Variants in PPP1R13B observed in about 807,000 individuals in gnomAD.
PPP1R13B encodes the protein protein phosphatase 1 regulatory subunit 13B.
In PPP1R13B, 44 loss-of-function variants were observed where a neutral mutation model predicts 119.8. That is an observed-to-expected ratio of 0.37 (90% CI 0.29 to 0.47). The LOEUF (loss-of-function observed/expected upper bound fraction) is 0.47. Ranked by LOEUF, PPP1R13B falls within the 20% of genes least tolerant of loss-of-function variation. PPP1R13B has a pLI of 0.99. For synonymous variants in PPP1R13B, 542 were observed against 561.5 expected, an observed-to-expected ratio of 0.97 and a Z score of 0.49; for missense variants, 1,227 against 1,413.5, an observed-to-expected ratio of 0.87 and a Z score of 2.12.
intron 1 of PPP1R13B, among the ~76,000 whole-genome samples, chr14:103,824,941 T>TA (rs2086501817): frequency 7.9e-6 from 1 of 126,732 alleles, no homozygotes; most frequent in Admixed American, 7.5e-5. Context: ...GTTCTGCAGA[T>TA]ATTGCATTTT....
At chr14:103,752,917 T>A (rs1567095289) in intron 7 of PPP1R13B, 83 bp downstream of exon 7, 1 of 1,430,646 alleles carries the variant, frequency 7.0e-7, no homozygotes, top group African/African-American at 1.4e-5. Context: ...TTGTTTCCAC[T>A]TCCTAAGGTT....
intron 5 of PPP1R13B, 102 bp from the exon 6 acceptor site, chr14:103,754,346 C>T (rs1375520232): frequency 3.5e-6 from 4 of 1,152,548 alleles, no homozygotes; most frequent in Non-Finnish European, 4.8e-6. Context: ...AGGTGGATCA[C>T]CTGAGGTCAG....
chr14:103,788,524 A>AAAT lies in PPP1R13B; in HGVS notation c.158-3611_158-3610insATT, dbSNP rs540726042. Among the ~76,000 whole-genome samples the AAAT allele has an allele frequency of 4.5e-4, 69 of 152,290 alleles. No homozygotes were observed. The East Asian group carries it at 8.5e-3, about 19-fold the overall frequency. On this transcript the variant is annotated intron_variant, in intron 2 of 16. Coordinates refer to ENST00000202556, the MANE Select transcript of PPP1R13B (RefSeq NM_015316.3). The stretch of plus-strand genomic sequence containing the variant: ...GAAGTCCATGATACTTTTAGACTAT[A>AAAT]AAATAGCATTTCTCATTAGCCAGGC...
chr14:103,746,724 A>C, intron 8 of PPP1R13B, 171 bp from the exon 9 acceptor site: 1 of 535,064 alleles, frequency 1.9e-6, no homozygotes, highest in Non-Finnish European at 3.2e-6. Flanking sequence ...TGGAGAAGGA[A>C]CTGTAGCTTC....
At chr14:103,782,766 T>C (rs1475379445) in intron 3 of PPP1R13B, among the ~76,000 whole-genome samples, 2 of 152,168 alleles carry the variant, frequency 1.3e-5, no homozygotes, top group African/African-American at 4.8e-5. Flanking sequence ...ATTCCTTTTC[T>C]GTGAACTGTG....
At chr14:103,761,276 A>T in intron 4 of PPP1R13B, among the ~76,000 whole-genome samples, 1 of 62,274 alleles carries the variant, frequency 1.6e-5, no homozygotes, top group African/African-American at 5.8e-5. Flanking sequence ...CCTATATTTA[A>T]AAAAAAAAAA....
intron 1 of PPP1R13B, among the ~76,000 whole-genome samples, chr14:103,801,194 T>C (rs974298460): frequency 3.3e-5 from 5 of 152,112 alleles, no homozygotes; most frequent in African/African-American, 1.2e-4. Context: ...TTCCCTTGCT[T>C]AAAATATTTA....
At chr14:103,796,602 TA>T (rs1190985671) in intron 2 of PPP1R13B, among the ~76,000 whole-genome samples, 2 of 152,182 alleles carry the variant, frequency 1.3e-5, no homozygotes, top group Non-Finnish European at 2.9e-5. Flanking sequence ...CGAATTACCA[TA>T]TGACCCAGAG....
intron 1 of PPP1R13B, among the ~76,000 whole-genome samples, chr14:103,834,672 C>A (rs2086735242): frequency 6.9e-6 from 1 of 145,522 alleles, no homozygotes; most frequent in South Asian, 2.2e-4. Flanking sequence ...CTCACCACAA[C>A]CTCCGCCCTC....
intron 4 of PPP1R13B, chr14:103,762,943 T>C (rs2084844985): frequency 4.0e-6 from 4 of 999,402 alleles, no homozygotes; most frequent in Non-Finnish European, 6.2e-6. Flanking sequence ...CCGTCTACAG[T>C]ATCTGCTAAA....
chr14:103,829,941 G>A (rs2086631631), intron 1 of PPP1R13B, among the ~76,000 whole-genome samples: 1 of 151,972 alleles, frequency 6.6e-6, no homozygotes. Context: ...ACCATGCCCA[G>A]CTAATTTTTG....
Position 103,753,182 on chromosome 14 carries a change from T to C in PPP1R13B, c.646A>G (p.Arg216Gly), listed in dbSNP as rs2084591483. 1 of 1,611,542 alleles carries C rather than the reference T, an allele frequency of 6.2e-7. No homozygotes were observed. Among genetic ancestry groups the C allele is most frequent in the Middle Eastern group, 2.1e-4 (1 of 4,792 alleles). ...MNGNLSAEIE[R>G]FSAMFQEKKQ... ...TTTTCCTGGAACATGGCACTGAACC[T>C]TTCTATTTCAGCAGCTATAATTGAC... Residue 216 changes from arginine (R) to glycine (G), a missense_variant, in exon 7 of 17, where the codon AGG (arginine) becomes GGG (glycine). Arg to Gly is a moderately radical substitution (Grantham distance 125). Transcript: ENST00000202556.
intron 5 of PPP1R13B, among the ~76,000 whole-genome samples, chr14:103,754,680 G>A (rs763347738): frequency 6.6e-6 from 1 of 151,790 alleles, no homozygotes; most frequent in African/African-American, 2.4e-5. Context: ...AACACTAGAG[G>A]AATCTTATAT....
intron 16 of PPP1R13B, among the ~76,000 whole-genome samples, chr14:103,735,532 C>T (rs941473): frequency 6.6e-6 from 1 of 152,034 alleles, no homozygotes; most frequent in Non-Finnish European, 1.5e-5. Context: ...GGCTCAACAG[C>T]AAGCCCCTGG....
At chr14:103,749,717 C>G in intron 8 of PPP1R13B, 77 bp downstream of exon 8, 1 of 1,431,122 alleles carries the variant, frequency 7.0e-7, no homozygotes, top group Non-Finnish European at 9.6e-7. Context: ...GGGGAGCATA[C>G]TGCTACTTAC....
At position 103,734,953 on chromosome 14, in the gene PPP1R13B, G is replaced by A. The variant is rs369058384; in HGVS notation, c.*201C>T. The A allele has an allele frequency of 1.6e-4, 113 of 709,942 alleles. No individual in the cohort carries two copies. The highest frequency in any genetic ancestry group is 4.9e-4 in the East Asian group (18 of 36,464). The allele number at this position is 709,942 out of a possible 1,614,324, so 44.0% of individuals were successfully genotyped here. A position where few individuals can be genotyped will look rare whatever the true frequency, so the allele number is the denominator to read the frequency against. ...TTGGCAAAATTCAGTCCTTGGAGGC[G>A]AAAGTACCTCTCCCAGTTAATGGGC... On this transcript the variant is annotated 3_prime_UTR_variant, in exon 17 of 17. Transcript: ENST00000202556.
In PPP1R13B at chr14:103,734,226, G is replaced by A; in HGVS notation, c.*928C>T. The A allele has an allele frequency of 3.5e-6, 1 of 284,046 alleles. No homozygotes were observed. The allele number at this position is 284,046 out of a possible 1,614,324, so 17.6% of individuals were successfully genotyped here. On this transcript the variant is annotated 3_prime_UTR_variant, in exon 17 of 17. Transcript: ENST00000202556. ...TCCTCTGCCCCAGCTGCTGCTCCTT[G>A]GTGGCGGCCCCTCCTGACACCAGGC... is the stretch of plus-strand genomic sequence containing the variant.
At chr14:103,741,651 C>T (rs1241360060) in intron 11 of PPP1R13B, 139 bp downstream of exon 11, 14 of 1,147,462 alleles carry the variant, frequency 1.2e-5, no homozygotes, top group Non-Finnish European at 1.6e-5. Flanking sequence ...CACTGACACC[C>T]AAGGCTGTAC....
chr14:103,826,736 C>T (rs903016747), intron 1 of PPP1R13B, among the ~76,000 whole-genome samples: 7 of 148,132 alleles, frequency 4.7e-5, no homozygotes, highest in Non-Finnish European at 8.9e-5. Flanking sequence ...AAGCCAGGTG[C>T]AGTGGCTCAT....
Sources: gnomAD v4.1 joint callset for allele counts (sites outside exome capture counted in the v4.1 genomes callset) on GRCh38, gnomAD v4.1.1 for gene constraint, MANE v1.5 for transcripts, NCBI Gene and HGNC (gene_info 2026-07-23, HGNC 2026-07-21) for gene names.